Variants in FRMPD4 observed in about 807,000 individuals in gnomAD.
FRMPD4 encodes FERM and PDZ domain containing 4.
FRMPD4 carries 22 observed loss-of-function variants against 94.1 expected under a neutral mutation model. That is an observed-to-expected ratio of 0.23 (90% CI 0.17 to 0.33). The LOEUF is 0.33. FRMPD4 is among the 10% of genes least tolerant of loss of function. The pLI is 1.00. For missense variants in FRMPD4, 1,111 were observed against 1,339.9 expected (o/e 0.83, Z 2.67); for synonymous variants, 631 against 548.6 (o/e 1.15, Z -2.10).
intron 3 of FRMPD4, among the ~76,000 whole-genome samples, chrX:12,011,370 A>C (rs2054579895): frequency 8.9e-6 from 1 of 112,175 alleles, no homozygotes; most frequent in African/African-American, 3.2e-5. Context: ...ACTGTCCAAC[A>C]TGGCCAGCCA....
chrX:12,228,048 A>G (rs1055535033), intron 1 of FRMPD4, among the ~76,000 whole-genome samples: 2 of 112,310 alleles, frequency 1.8e-5, no homozygotes, highest in Non-Finnish European at 3.8e-5. Context: ...GTGATCTGTG[A>G]TTATCAATTA....
At chrX:12,382,510 GCAT>G (rs770817753) in intron 1 of FRMPD4, among the ~76,000 whole-genome samples, 3,509 of 68,924 alleles carry the variant, frequency 0.051, 84 homozygotes, top group African/African-American at 0.066. Context: ...GCATAGCATA[GCAT>G]AGCATAGCAT....
intron 4 of FRMPD4, among the ~76,000 whole-genome samples, chrX:12,640,394 A>G (rs1432858550): frequency 9.1e-6 from 1 of 109,761 alleles, no homozygotes; most frequent in Non-Finnish European, 1.9e-5. Flanking sequence ...GCAATTTAAT[A>G]TATTTTAAAT....
intron 3 of FRMPD4, among the ~76,000 whole-genome samples, chrX:11,902,589 A>C (rs763686231): frequency 1.1e-4 from 12 of 111,414 alleles, no homozygotes; most frequent in Non-Finnish European, 1.9e-4. Flanking sequence ...CCCTCCTCCA[A>C]ATTCTATCAC....
intron 3 of FRMPD4, among the ~76,000 whole-genome samples, chrX:11,906,436 C>T (rs763071120): frequency 4.5e-5 from 5 of 111,344 alleles, no homozygotes; most frequent in South Asian, 7.6e-4. Context: ...CGTGAGCCAC[C>T]GCACCCGGCC....
chrX:12,260,012 C>T (rs1420965490), intron 1 of FRMPD4, among the ~76,000 whole-genome samples: 3 of 111,761 alleles, frequency 2.7e-5, no homozygotes, highest in African/African-American at 6.5e-5. Context: ...ATTTTATTTT[C>T]CCCACATAAC....
rs2053973532 is a variant in FRMPD4, at chrX:11,907,347, T to C, written c.95+29329T>C. Among the ~76,000 whole-genome samples, 8 of 112,051 alleles carry C rather than the reference T, an allele frequency of 7.1e-5. No individual in the cohort carries two copies. In the South Asian group the frequency reaches 3.0e-3, roughly 42 times the overall value. On this transcript the variant is annotated intron_variant, in intron 3 of 18. Transcript: ENST00000640291. ...CTTATTTCTTCCTCTCATTATTTTT[T>C]GTTGGTGTTATTGAAACCTGGATAG...
chrX:11,984,406 A>T (rs2054415604), intron 3 of FRMPD4, among the ~76,000 whole-genome samples: 1 of 112,278 alleles, frequency 8.9e-6, no homozygotes, highest in South Asian at 3.7e-4. Context: ...ATACTGGTAA[A>T]GCCGTGTTTC....
At chrX:11,898,521 A>G (rs1334985062) in intron 3 of FRMPD4, among the ~76,000 whole-genome samples, 2 of 112,003 alleles carry the variant, frequency 1.8e-5, no homozygotes, top group East Asian at 2.8e-4. Context: ...GAGCTGCTCC[A>G]TCAATAATCC....
intron 1 of FRMPD4, among the ~76,000 whole-genome samples, chrX:12,266,127 C>T (rs1216604083): frequency 2.3e-4 from 14 of 59,757 alleles, no homozygotes; most frequent in Admixed American, 2.3e-4. Context: ...AGCGAGACTC[C>T]GTCTCAAAAA....
chrX:12,455,368 A>ATTGT (rs1489063452), intron 1 of FRMPD4, among the ~76,000 whole-genome samples: 2 of 111,743 alleles, frequency 1.8e-5, no homozygotes, highest in African/African-American at 6.5e-5. Context: ...CCAATTAGTT[A>ATTGT]TTGTTTAATT....
intron 1 of FRMPD4, among the ~76,000 whole-genome samples, chrX:12,169,858 C>CA (rs767009306): frequency 8.9e-6 from 1 of 112,011 alleles, no homozygotes; most frequent in Non-Finnish European, 1.9e-5. Context: ...CCATATGAAT[C>CA]ACTTTTCAGT....
intron 5 of FRMPD4, among the ~76,000 whole-genome samples, chrX:12,679,128 G>A (rs986344197): frequency 8.9e-6 from 1 of 112,045 alleles, no homozygotes; most frequent in Non-Finnish European, 1.9e-5. Context: ...ATTTCCAATG[G>A]AGAACACCTG....
At chrX:12,629,301 G>T (rs770581133) in intron 4 of FRMPD4, among the ~76,000 whole-genome samples, 1 of 112,270 alleles carries the variant, frequency 8.9e-6, no homozygotes, top group African/African-American at 3.2e-5. Flanking sequence ...AAGAAATAGA[G>T]CTGCTGGAAC....
At chrX:12,521,799 A>G (rs1264815254) in intron 2 of FRMPD4, among the ~76,000 whole-genome samples, 1 of 111,269 alleles carries the variant, frequency 9.0e-6, no homozygotes, top group Non-Finnish European at 1.9e-5. Flanking sequence ...GACCCTGGAG[A>G]GAGAGAGATA....
chrX:12,289,819 C>G (rs980410666), intron 1 of FRMPD4, among the ~76,000 whole-genome samples: 1 of 111,712 alleles, frequency 9.0e-6, no homozygotes, highest in Non-Finnish European at 1.9e-5. Context: ...GGTGTTGGAG[C>G]CTTAGGCCAA....
chrX:11,871,628 A>G (rs774300033), intron 2 of FRMPD4, among the ~76,000 whole-genome samples: 5 of 111,924 alleles, frequency 4.5e-5, no homozygotes, highest in South Asian at 7.5e-4. Context: ...TGTAATCTCA[A>G]CTCTGTTGGA....
rs1602383881 is a variant in FRMPD4 at position 12,721,267 on chromosome X, G to A, written c.4698G>A (p.Lys1566=). Residue 1566 remains lysine, a synonymous_variant, in exon 17 of 17, where the codon AAG becomes AAA. Transcript: ENST00000675598. ...AGCTATCCAGAGGGTCAGTGCTGAAGGTCTGGGCAGAAGACCTGCGAGACC... is the reference window on the plus strand; with the variant it reads ...AGCTATCCAGAGGGTCAGTGCTGAAAGTCTGGGCAGAAGACCTGCGAGACC... ...RGELSRGSVL[K]VWAEDLRDPD... 1 of 756,128 alleles carries A rather than the reference G, an allele frequency of 1.3e-6. No individual in the cohort carries two copies. The highest frequency in any genetic ancestry group is 1.6e-6 in the Non-Finnish European group (1 of 639,356). 62.3% of individuals were successfully genotyped at this position (756,128 alleles called of 1,213,427 possible). A position where few individuals can be genotyped will look rare whatever the true frequency, so the allele number is the denominator to read the frequency against.
intron 1 of FRMPD4, among the ~76,000 whole-genome samples, chrX:11,838,802 T>C (rs2053516411): frequency 8.9e-6 from 1 of 112,205 alleles, no homozygotes; most frequent in South Asian, 3.7e-4. Flanking sequence ...ATCCATCTTG[T>C]AGCATGTATC....
Sources: gnomAD v4.1 joint callset for allele counts (sites outside exome capture counted in the v4.1 genomes callset) on GRCh38, gnomAD v4.1.1 for gene constraint, MANE v1.5 for transcripts, NCBI Gene and HGNC (gene_info 2026-07-23, HGNC 2026-07-21) for gene names.